Variants in CCPG1 observed in about 807,000 individuals in gnomAD.
CCPG1 encodes the protein cell cycle progression protein 1.
Under a neutral mutation model 81.3 loss-of-function variants are expected in CCPG1, and 46 were observed. The ratio of observed to expected loss-of-function variants is 0.57; its 90% CI spans 0.45 to 0.72. The LOEUF (loss-of-function observed/expected upper bound fraction) is 0.72, where lower values mean the gene tolerates loss of function less well. CCPG1 is among the 30% of genes least tolerant of loss of function. The pLI is 0.00. For missense variants in CCPG1, 902 were observed against 937.6 expected, an observed-to-expected ratio of 0.96 and a Z score of 0.50; for synonymous variants, 330 against 305.2, an observed-to-expected ratio of 1.08 and a Z score of -0.85.
At chr15:55,387,580 T>C (rs1206738665) in intron 2 of CCPG1, among the ~76,000 whole-genome samples, 1 of 151,956 alleles carries the variant, frequency 6.6e-6, no homozygotes, top group African/African-American at 2.4e-5. Context: ...GTTTCACTCT[T>C]GTTGCCCAGG....
chr15:55,407,016 C>A (rs1251643717), intron 1 of CCPG1, among the ~76,000 whole-genome samples: 1 of 145,646 alleles, frequency 6.9e-6, no homozygotes. Flanking sequence ...AGTCCAAGAC[C>A]AGCCTGGCCG....
At chr15:55,357,183 C>G (rs890807086) in intron 8 of CCPG1, 1 of 929,458 alleles carries the variant, frequency 1.1e-6, no homozygotes, top group Non-Finnish European at 1.3e-6. Context: ...ATTCTCATCT[C>G]CAATTACCCT....
chr15:55,398,588 C>CT (rs879725182), intron 1 of CCPG1, among the ~76,000 whole-genome samples: 115 of 146,814 alleles, frequency 7.8e-4, no homozygotes, highest in African/African-American at 1.7e-3. Flanking sequence ...CTAATGAAAA[C>CT]TTTTTTTTTT....
In CCPG1 at chr15:55,359,770, A is replaced by AG; in HGVS notation, c.2002dup (p.Leu668ProfsTer11). The AG allele has an allele frequency of 6.2e-7, 1 of 1,613,434 alleles. No homozygotes were observed. The highest frequency in any genetic ancestry group is 8.5e-7 in the Non-Finnish European group (1 of 1,179,910). On this transcript the variant is annotated frameshift_variant, in exon 8 of 9. Coordinates refer to ENST00000442196, the MANE Select transcript of CCPG1 (RefSeq NM_001204450.2). LOFTEE classifies it high-confidence loss of function. ...TTCGTTCCAGTGACAAAAAGTATCC[A>AG]GTTCTTTTAACATGTACCTTTGAAT...
intron 1 of CCPG1, among the ~76,000 whole-genome samples, chr15:55,397,567 A>T (rs556866280): frequency 6.6e-6 from 1 of 152,302 alleles, no homozygotes; most frequent in East Asian, 1.9e-4. Context: ...AGCCAACAGG[A>T]CTTCCTGATG....
At position 55,359,788 on chromosome 15, in the gene CCPG1, C is replaced by T. The variant is rs1595817992; in HGVS notation, c.1985G>A (p.Arg662Lys). The T allele has an allele frequency of 6.2e-7, 1 of 1,613,166 alleles. No homozygotes were observed. The highest frequency in any genetic ancestry group is 2.2e-5 in the East Asian group (1 of 44,848). The change falls in exon 8 of 9, where the codon AGG becomes AAG. Residue 662 changes from arginine to lysine, a missense_variant. Physicochemically the swap from Arg to Lys is conservative, Grantham distance 26. Around this residue, in one of 3 missense-constraint regions of CCPG1, gnomAD observed 746 missense variants for 728.6 expected, o/e 1.02. Coordinates refer to ENST00000442196, the MANE Select transcript of CCPG1 (RefSeq NM_001204450.2). ...AGTATCCAGTTCTTTTAACATGTACCTTTGAATTATCTGTCTAAATTCATC... is the reference window on the plus strand; with the variant it reads ...AGTATCCAGTTCTTTTAACATGTACTTTTGAATTATCTGTCTAAATTCATC... ...RMDEFRQIIQ[R>K]YMLKELDTFC...
At chr15:55,376,716 G>T (rs2056573601) in intron 5 of CCPG1, among the ~76,000 whole-genome samples, 1 of 152,104 alleles carries the variant, frequency 6.6e-6, no homozygotes, top group African/African-American at 2.4e-5. Context: ...AAGCAATTTT[G>T]TCTTCTATTT....
In CCPG1 at chr15:55,372,245, A is replaced by G. The variant is rs2056465064; in HGVS notation, c.455-201T>C. 5.1e-6 allele frequency: 3 copies of G among 593,346 alleles called. No individual in the cohort carries two copies. The East Asian group carries it at 8.4e-5, about 17-fold the overall frequency. The allele number at this position is 593,346 out of a possible 1,614,324, so 36.8% of individuals were successfully genotyped here. A position where few individuals can be genotyped will look rare whatever the true frequency, so the allele number is the denominator to read the frequency against. On this transcript the variant is annotated intron_variant, in intron 5 of 8. Coordinates refer to ENST00000442196, the MANE Select transcript of CCPG1 (RefSeq NM_001204450.2). ...CAAAACATAAAGCATTTCAAATGTG[A>G]TACACAAGAATCTGTTAATCATACT...
In CCPG1 at chr15:55,356,242, A is replaced by C. The variant is rs1188611147; in HGVS notation, c.2402T>G (p.Leu801Ter). 1 of 1,534,238 alleles carries C rather than the reference A, an allele frequency of 6.5e-7. No individual in the cohort carries two copies. The highest frequency in any genetic ancestry group is 1.2e-5 in the South Asian group (1 of 83,608). Residue 801 changes from leucine (L) to a stop codon, truncating the protein, a stop_gained, in exon 9 of 9, where the codon TTA (leucine) becomes TGA (stop). Coordinates refer to ENST00000442196, the MANE Select transcript of CCPG1 (RefSeq NM_001204450.2). LOFTEE classifies it high-confidence loss of function. Reference protein sequence around the residue: ...MANLEIELGQLPFDPQY With the variant: ...MANLEIELGQ ...GAATCAGTATTGAGGATCAAAAGGT[A>C]ATTGCCCCAATTCTATTTCAAGATT...
At chr15:55,389,619 A>G (rs1371552108) in intron 1 of CCPG1, among the ~76,000 whole-genome samples, 186 bp from the exon 2 acceptor site, 6 of 152,224 alleles carry the variant, frequency 3.9e-5, no homozygotes, top group Non-Finnish European at 7.3e-5. Flanking sequence ...ATAGAAGCAA[A>G]CTTCTAAGAT....
chr15:55,374,567 G>A (rs931735818), intron 5 of CCPG1, among the ~76,000 whole-genome samples: 2 of 152,036 alleles, frequency 1.3e-5, no homozygotes, highest in African/African-American at 4.8e-5. Context: ...GAAAGGGAAA[G>A]GAAAAAACAA....
rs114605605 is a variant in CCPG1, at chr15:55,403,382, G to T, written c.-10+4839C>A. ...AGTAAGATTTTGTAAGATTTTAAAA[G>T]AATAGTGATTTGGATAAGTACTTAA... On this transcript the variant is annotated intron_variant, in intron 1 of 8. Transcript: ENST00000442196. Among the ~76,000 whole-genome samples, 1,399 of 148,884 alleles carry T rather than the reference G, an allele frequency of 9.4e-3. 15 individuals are homozygous for T. Among genetic ancestry groups the T allele is most frequent in the African/African-American group, 0.033 (1,315 of 39,890 alleles).
intron 5 of CCPG1, 27 bp from the exon 6 acceptor site, chr15:55,372,071 C>G (rs2056460864): frequency 6.3e-7 from 1 of 1,598,532 alleles, no homozygotes. Flanking sequence ...TGACATTTAG[C>G]TATTCAAAAT....
In CCPG1 at chr15:55,356,417, C is replaced by A; in HGVS notation, c.2235-8G>T. 1 of 1,501,486 alleles carries A rather than the reference C, an allele frequency of 6.7e-7. No individual in the cohort carries two copies. Among genetic ancestry groups the A allele is most frequent in the South Asian group, 1.3e-5 (1 of 79,398 alleles). The allele number at this position is 1,501,486 out of a possible 1,614,324, so 93.0% of individuals were successfully genotyped here. On this transcript the variant is annotated splice_polypyrimidine_tract_variant and splice_region_variant and intron_variant, in intron 8 of 8. Transcript: ENST00000442196. ...TGCTTTTTATCAGGTCGACTGAAAG[C>A]AGTAAACACATTTTTCATCTATGTT... is the stretch of plus-strand genomic sequence containing the variant.
chr15:55,383,299 A>G (rs2056738182), intron 3 of CCPG1, among the ~76,000 whole-genome samples: 1 of 152,210 alleles, frequency 6.6e-6, no homozygotes, highest in South Asian at 2.1e-4. Context: ...TGAGCTTAAA[A>G]TATTCAGTAA....
chr15:55,379,683 AAAAG>A (rs2056640829), intron 3 of CCPG1, among the ~76,000 whole-genome samples: 1 of 152,174 alleles, frequency 6.6e-6, no homozygotes, highest in Non-Finnish European at 1.5e-5. Context: ...TTTTTTTTAA[AAAAG>A]AAAGAACTCA....
chr15:55,368,283 T>C (rs1030071790), intron 6 of CCPG1, among the ~76,000 whole-genome samples: 1 of 152,174 alleles, frequency 6.6e-6, no homozygotes, highest in Non-Finnish European at 1.5e-5. Context: ...CAAGCAGTCT[T>C]TTCACTGCTC....
At position 55,388,331 on chromosome 15, in the gene CCPG1, ATAAAC is replaced by A. The variant is rs150741887; in HGVS notation, c.60+1029_60+1033del. 7.8e-3 allele frequency among the ~76,000 whole-genome samples: 1,187 copies of A among 152,324 alleles called. 13 individuals are homozygous for A. Among genetic ancestry groups the A allele is most frequent in the African/African-American group, 0.024 (996 of 41,574 alleles). On this transcript the variant is annotated intron_variant, in intron 2 of 8. Transcript: ENST00000442196. Reference sequence around the variant, plus strand: ...GAACATATATTACTGGTATGAAAAAATAAACAAAATGTACAAGTTATGTATACTTG... The same window carrying A: ...GAACATATATTACTGGTATGAAAAAAAAAATGTACAAGTTATGTATACTTG...
intron 6 of CCPG1, 121 bp from the exon 7 acceptor site, chr15:55,365,430 T>TG: frequency 3.8e-6 from 2 of 520,690 alleles, no homozygotes; most frequent in Non-Finnish European, 3.3e-6. Context: ...TTTTTTTTTT[T>TG]TGTTTTTTTT....
Sources: gnomAD v4.1 joint callset for allele counts (sites outside exome capture counted in the v4.1 genomes callset) on GRCh38, gnomAD v4.1.1 for gene constraint, gnomAD v4.1.1 regional missense constraint, MANE v1.5 for transcripts, NCBI Gene and HGNC (gene_info 2026-07-23, HGNC 2026-07-21) for gene names.